Variants in ADD2 observed in about 807,000 individuals in gnomAD.
ADD2 encodes beta-adducin.
Under a neutral mutation model 83.0 loss-of-function variants are expected in ADD2, and 23 were observed. That is an observed-to-expected ratio of 0.28 (90% CI 0.20 to 0.39). The LOEUF (loss-of-function observed/expected upper bound fraction) is 0.39, where lower values mean the gene tolerates loss of function less well. Ranked by LOEUF, ADD2 falls within the 10% of genes least tolerant of loss-of-function variation. The probability of loss-of-function intolerance (pLI) is 1.00; values close to 1 mark genes in which losing one functional copy is unlikely to be tolerated. For synonymous variants in ADD2, 375 were observed against 375.4 expected, an observed-to-expected ratio of 1.00 and a Z score of 0.01; for missense variants, 758 against 944.9, an observed-to-expected ratio of 0.80 and a Z score of 2.59.
At chr2:70,723,836 C>T (rs534188563) in intron 1 of ADD2, among the ~76,000 whole-genome samples, 1 of 151,894 alleles carries the variant, frequency 6.6e-6, no homozygotes, top group East Asian at 1.9e-4. Flanking sequence ...AGATTTTTGG[C>T]CTGGAGAAAA....
intron 1 of ADD2, among the ~76,000 whole-genome samples, chr2:70,741,677 T>G (rs555867897): frequency 3.9e-5 from 6 of 152,300 alleles, no homozygotes; most frequent in African/African-American, 1.4e-4. Flanking sequence ...CACCAGCAAT[T>G]TCCAGATGAT....
intron 15 of ADD2, among the ~76,000 whole-genome samples, chr2:70,667,781 G>A (rs1046118552): frequency 6.6e-6 from 1 of 152,062 alleles, no homozygotes; most frequent in Non-Finnish European, 1.5e-5. Context: ...ACCACGCCCA[G>A]CAAATTTTTG....
intron 1 of ADD2, among the ~76,000 whole-genome samples, chr2:70,762,673 A>T (rs1553385231): frequency 6.7e-6 from 1 of 150,350 alleles, no homozygotes; most frequent in Non-Finnish European, 1.5e-5. Flanking sequence ...GCTAAAGGAC[A>T]TAGCAAAAGG....
intron 1 of ADD2, among the ~76,000 whole-genome samples, chr2:70,733,482 C>A (rs1156715654): frequency 6.6e-6 from 1 of 152,170 alleles, no homozygotes; most frequent in Non-Finnish European, 1.5e-5. Flanking sequence ...CAGACAAGTG[C>A]AGGTTTGAGC....
At chr2:70,668,294 T>C (rs1574214427) in intron 15 of ADD2, among the ~76,000 whole-genome samples, 1 of 152,134 alleles carries the variant, frequency 6.6e-6, no homozygotes, top group Non-Finnish European at 1.5e-5. Flanking sequence ...GAATGCCAGC[T>C]CCCCCAGCTT....
At chr2:70,692,665 C>T (rs1671105085) in intron 6 of ADD2, 113 bp from the exon 7 acceptor site, 1 of 1,175,098 alleles carries the variant, frequency 8.5e-7, no homozygotes, top group Non-Finnish European at 1.2e-6. Flanking sequence ...ACATTCCAGA[C>T]ACCATGAGCA....
chr2:70,753,360 G>A (rs1553383269), intron 1 of ADD2, among the ~76,000 whole-genome samples: 1 of 152,074 alleles, frequency 6.6e-6, no homozygotes, highest in Non-Finnish European at 1.5e-5. Context: ...GTGGGGAACA[G>A]GAAGAGATAC....
intron 1 of ADD2, among the ~76,000 whole-genome samples, chr2:70,748,006 T>C (rs1429557021): frequency 6.6e-6 from 1 of 152,192 alleles, no homozygotes; most frequent in Non-Finnish European, 1.5e-5. Flanking sequence ...GCATAAATTT[T>C]TAATGGTTTT....
intron 4 of ADD2, 57 bp downstream of exon 4, chr2:70,704,264 C>CCCCCCCCCCCCCCCCCCCCCCCCA: frequency 2.1e-5 from 9 of 425,204 alleles, no homozygotes; most frequent in South Asian, 3.6e-5. Context: ...TCCCTCTCTT[C>CCCCCCCCCCCCCCCCCCCCCCCCA]CCCACCCCAC....
At chr2:70,677,574 C>T (rs1255251734) in intron 12 of ADD2, among the ~76,000 whole-genome samples, 184 bp downstream of exon 12, 1 of 152,138 alleles carries the variant, frequency 6.6e-6, no homozygotes, top group Non-Finnish European at 1.5e-5. Context: ...GGTTACGGGA[C>T]CACAGGAGTA....
chr2:70,698,086 C>A (rs1376389725), intron 4 of ADD2, among the ~76,000 whole-genome samples: 2 of 152,250 alleles, frequency 1.3e-5, no homozygotes, highest in Non-Finnish European at 2.9e-5. Flanking sequence ...TACTTCTCTG[C>A]TTCATGCCTA....
chr2:70,701,718 C>A (rs1671593749), intron 4 of ADD2, among the ~76,000 whole-genome samples: 1 of 151,918 alleles, frequency 6.6e-6, no homozygotes, highest in Non-Finnish European at 1.5e-5. Flanking sequence ...ATATATCTAA[C>A]AATTTATCTT....
chr2:70,725,148 A>T (rs1204889974), intron 1 of ADD2, among the ~76,000 whole-genome samples: 4 of 152,212 alleles, frequency 2.6e-5, no homozygotes, highest in Admixed American at 1.3e-4. Flanking sequence ...AGTGGTAATT[A>T]TGGTAGCCAC....
intron 10 of ADD2, among the ~76,000 whole-genome samples, chr2:70,679,450 ACTT>A (rs1553369145): frequency 6.6e-6 from 1 of 152,030 alleles, no homozygotes; most frequent in Non-Finnish European, 1.5e-5. Context: ...TGACTGTGAA[ACTT>A]CTTAACAATT....
chr2:70,694,868 A>C (rs1553372328), intron 6 of ADD2, among the ~76,000 whole-genome samples: 1 of 149,268 alleles, frequency 6.7e-6, no homozygotes, highest in East Asian at 2.0e-4. Context: ...CTCTCCTCCA[A>C]CCAGACCATG....
chr2:70,664,771 G>C (rs527498096), intron 15 of ADD2, among the ~76,000 whole-genome samples: 1 of 151,870 alleles, frequency 6.6e-6, no homozygotes, highest in African/African-American at 2.4e-5. Flanking sequence ...GTGTGCAAGT[G>C]TGAGTGGGCA....
rs1213725388 is a variant in ADD2, at chr2:70,712,455, A to AAT, written c.-35+610_-35+611insAT. Reference sequence around the variant, plus strand: ...GGAGACCCTGTCTCAAAAAAAATAAATAAATAAAAAAAAAAAAAAAGAAAC... The same window carrying AAT: ...GGAGACCCTGTCTCAAAAAAAATAAAATTAAATAAAAAAAAAAAAAAAGAAAC... On this transcript the variant is annotated intron_variant, in intron 2 of 15. Transcript: ENST00000264436. Among the ~76,000 whole-genome samples, 33 of 130,260 alleles carry AAT rather than the reference A, an allele frequency of 2.5e-4. 1 individual carries two copies. In the South Asian group the frequency reaches 5.9e-3, roughly 23 times the overall value. The allele number at this position is 130,260 out of a possible 152,430, so 85.5% of individuals were successfully genotyped here.
At chr2:70,674,880 A>T (rs553699315) in intron 13 of ADD2, 55 bp from the exon 14 acceptor site, 1 of 1,571,442 alleles carries the variant, frequency 6.4e-7, no homozygotes, top group African/African-American at 1.4e-5. Flanking sequence ...GTTGGGGTGC[A>T]GGCCCCAGCT....
At chr2:70,739,506 A>G (rs1164762515) in intron 1 of ADD2, among the ~76,000 whole-genome samples, 3 of 152,258 alleles carry the variant, frequency 2.0e-5, no homozygotes, top group Admixed American at 2.0e-4. Context: ...CAGAACTACC[A>G]TTTGACCCAG....
Sources: gnomAD v4.1 joint callset for allele counts (sites outside exome capture counted in the v4.1 genomes callset) on GRCh38, gnomAD v4.1.1 for gene constraint, MANE v1.5 for transcripts, NCBI Gene and HGNC (gene_info 2026-07-23, HGNC 2026-07-21) for gene names.